The following ABTB3 variants were observed in gnomAD, a reference collection of about 807,000 sequenced individuals.
ABTB3 encodes the protein ankyrin repeat and BTB domain containing 3.
the ABTB3 span, among the ~76,000 whole-genome samples, chr12:107,648,000 A>G: frequency 6.6e-6 from 1 of 152,304 alleles, no homozygotes; most frequent in South Asian, 2.1e-4. Flanking sequence ...AAGTACCCAA[A>G]AAAGGGAGGT....
chr12:107,340,250 A>G, the ABTB3 span, among the ~76,000 whole-genome samples: 2 of 152,192 alleles, frequency 1.3e-5, no homozygotes, highest in Admixed American at 1.3e-4. Context: ...AAGGCCCAAG[A>G]ACTGAGTTGC....
the ABTB3 span, among the ~76,000 whole-genome samples, chr12:107,379,799 A>G: frequency 6.6e-6 from 1 of 152,224 alleles, no homozygotes; most frequent in African/African-American, 2.4e-5. Flanking sequence ...CTCTAGAAGA[A>G]CAAGGGTCAG....
At chr12:107,532,929 G>C in the ABTB3 span, among the ~76,000 whole-genome samples, 2 of 152,104 alleles carry the variant, frequency 1.3e-5, no homozygotes, top group South Asian at 2.1e-4. Context: ...ATCCAGCAAT[G>C]CTATCTTTTA....
chr12:107,640,500 T>C, the ABTB3 span: 3 of 771,426 alleles, frequency 3.9e-6, no homozygotes, highest in Non-Finnish European at 6.4e-6. Context: ...TGGTGGTCTC[T>C]TCGCCGGACT....
the ABTB3 span, among the ~76,000 whole-genome samples, chr12:107,446,557 G>GC: frequency 6.6e-6 from 1 of 152,158 alleles, no homozygotes; most frequent in African/African-American, 2.4e-5. Flanking sequence ...CTCATGTAGA[G>GC]CAAGGAAGCA....
the ABTB3 span, among the ~76,000 whole-genome samples, chr12:107,491,061 A>G: frequency 6.6e-6 from 1 of 152,206 alleles, no homozygotes; most frequent in African/African-American, 2.4e-5. Context: ...CATGGTGTGC[A>G]TAATAATGAC....
At chr12:107,491,658 A>C in the ABTB3 span, among the ~76,000 whole-genome samples, 1 of 152,114 alleles carries the variant, frequency 6.6e-6, no homozygotes. Flanking sequence ...CCCTGTCTCT[A>C]CTAAAAACAC....
chr12:107,319,781 G>GC, the ABTB3 span: 1 of 1,457,204 alleles, frequency 6.9e-7, no homozygotes, highest in Non-Finnish European at 9.1e-7. Flanking sequence ...CCCTGGTGCG[G>GC]CCCCCGCGGC....
At chr12:107,542,728 G>A in the ABTB3 span, among the ~76,000 whole-genome samples, 9 of 152,220 alleles carry the variant, frequency 5.9e-5, no homozygotes, top group African/African-American at 1.7e-4. Flanking sequence ...GTCCATTAAC[G>A]TGTATTTTAT....
At chr12:107,384,264 A>T in the ABTB3 span, among the ~76,000 whole-genome samples, 1 of 152,158 alleles carries the variant, frequency 6.6e-6, no homozygotes, top group Non-Finnish European at 1.5e-5. Flanking sequence ...GCTTAGGGCC[A>T]TGTAGCTAGG....
chr12:107,441,826 G>A, the ABTB3 span, among the ~76,000 whole-genome samples: 2 of 150,482 alleles, frequency 1.3e-5, no homozygotes, highest in South Asian at 4.2e-4. Context: ...TACAGTCTCA[G>A]CTACTTGGGA....
At chr12:107,594,647 C>T in the ABTB3 span, among the ~76,000 whole-genome samples, 1 of 152,066 alleles carries the variant, frequency 6.6e-6, no homozygotes, top group African/African-American at 2.4e-5. Flanking sequence ...AAAAAATCAT[C>T]AACCAGGAGA....
chr12:107,509,000 A>C, the ABTB3 span, among the ~76,000 whole-genome samples: 3 of 152,140 alleles, frequency 2.0e-5, no homozygotes, highest in Admixed American at 2.0e-4. Flanking sequence ...AAACCATTCC[A>C]TGCCTGGAAG....
chr12:107,517,141 T>C, the ABTB3 span, among the ~76,000 whole-genome samples: 3,490 of 152,308 alleles, frequency 0.023, 125 homozygotes, highest in African/African-American at 0.078. Context: ...TCCCCATTTC[T>C]TGTTTTTGTC....
the ABTB3 span, among the ~76,000 whole-genome samples, chr12:107,581,915 T>TGTGTTC: frequency 1.3e-5 from 2 of 152,186 alleles, no homozygotes; most frequent in African/African-American, 4.8e-5. Context: ...GGGGCGTGTG[T>TGTGTTC]GTGTGCGTGC....
the ABTB3 span, among the ~76,000 whole-genome samples, chr12:107,519,073 GGT>G: frequency 6.6e-6 from 1 of 152,086 alleles, no homozygotes; most frequent in African/African-American, 2.4e-5. Context: ...ATACTTGGTA[GGT>G]GTATCTGTTA....
chr12:107,535,484 CTT>C, the ABTB3 span, among the ~76,000 whole-genome samples: 3 of 152,266 alleles, frequency 2.0e-5, no homozygotes, highest in African/African-American at 7.2e-5. Flanking sequence ...AATGGTCCCT[CTT>C]TGCAAATGGC....
the ABTB3 span, chr12:107,320,545 C>CG: frequency 1.0e-3 from 456 of 456,020 alleles, 1 homozygote; most frequent in African/African-American, 8.2e-3. Flanking sequence ...CCCACTCCCT[C>CG]GGGGGGCACG....
the ABTB3 span, among the ~76,000 whole-genome samples, chr12:107,477,904 A>G: frequency 1.3e-5 from 2 of 152,190 alleles, no homozygotes; most frequent in East Asian, 1.9e-4. Context: ...CTAGTCAGTT[A>G]TACTGTCCCA....
Sources: gnomAD v4.1 joint callset for allele counts (sites outside exome capture counted in the v4.1 genomes callset) on GRCh38, gnomAD v4.1.1 for gene constraint, MANE v1.5 for transcripts, NCBI Gene and HGNC (gene_info 2026-07-23, HGNC 2026-07-21) for gene names.